DCLK1: variants seen among roughly 807,000 people sequenced by gnomAD.
DCLK1 encodes the protein doublecortin like kinase 1.
Under a neutral mutation model 86.2 loss-of-function variants are expected in DCLK1, and 16 were observed. That is an observed-to-expected ratio of 0.19 (90% confidence interval 0.13 to 0.28). The LOEUF (loss-of-function observed/expected upper bound fraction) is 0.28. DCLK1 is among the 10% of genes least tolerant of loss of function. The pLI, the probability that DCLK1 is intolerant of heterozygous loss-of-function variation, is 1.00. For missense variants in DCLK1, 590 were observed against 940.2 expected (o/e 0.63, Z 4.87); for synonymous variants, 369 against 370.5 (o/e 1.00, Z 0.05).
At chr13:36,068,840 C>T (rs556904673) in intron 3 of DCLK1, among the ~76,000 whole-genome samples, 12 of 152,096 alleles carry the variant, frequency 7.9e-5, no homozygotes, top group Admixed American at 1.3e-4. Context: ...CTCCAAAGTA[C>T]GTAGTCTTTC....
At chr13:36,119,074 C>T (rs1021719285) in intron 2 of DCLK1, among the ~76,000 whole-genome samples, 3 of 152,060 alleles carry the variant, frequency 2.0e-5, no homozygotes, top group African/African-American at 7.2e-5. Context: ...CAGGTGGTAA[C>T]ACTATTTAAT....
At chr13:36,025,531 GA>G (rs1881999582) in intron 3 of DCLK1, among the ~76,000 whole-genome samples, 1 of 152,098 alleles carries the variant, frequency 6.6e-6, no homozygotes, top group Non-Finnish European at 1.5e-5. Context: ...TTATTCAGTG[GA>G]ATGTTACTCA....
At chr13:35,991,269 C>T (rs933973592) in intron 3 of DCLK1, among the ~76,000 whole-genome samples, 2 of 152,152 alleles carry the variant, frequency 1.3e-5, no homozygotes, top group African/African-American at 2.4e-5. Context: ...TCCAATCATA[C>T]GTCTCCATGA....
chr13:35,867,979 C>A (rs1306749720), intron 5 of DCLK1, among the ~76,000 whole-genome samples: 1 of 94,730 alleles, frequency 1.1e-5, no homozygotes, highest in African/African-American at 4.1e-5. Context: ...AAAAGAAAGA[C>A]CCTAAACCCT....
chr13:35,941,990 TTCTA>T lies in DCLK1; in HGVS notation c.823+5364_823+5367del, dbSNP rs954739206. Among the ~76,000 whole-genome samples, 24 of 152,130 alleles carry T rather than the reference TTCTA, an allele frequency of 1.6e-4. No individual in the cohort carries two copies. In the South Asian group the frequency reaches 4.0e-3, roughly 25 times the overall value. On this transcript the variant is annotated intron_variant, in intron 4 of 16. Transcript: ENST00000360631. ...AAGCTTGCAAGGCTGGCTTTTTTCT[TTCTA>T]TCTTTCTTTCACACCCTAGAGCTCT...
upstream of DCLK1, among the ~76,000 whole-genome samples, chr13:36,131,856 C>T (rs1424148342): frequency 6.6e-6 from 1 of 152,218 alleles, no homozygotes; most frequent in East Asian, 1.9e-4. Context: ...CCGGGATGCA[C>T]CCACGCAGTG....
At chr13:35,906,699 G>A (rs1008251553) in intron 4 of DCLK1, among the ~76,000 whole-genome samples, 1 of 152,204 alleles carries the variant, frequency 6.6e-6, no homozygotes, top group Admixed American at 6.5e-5. Context: ...AAACCCTCAA[G>A]TCAACTGGCT....
intron 3 of DCLK1, among the ~76,000 whole-genome samples, chr13:36,006,916 T>C (rs925427553): frequency 2.6e-5 from 4 of 152,220 alleles, no homozygotes; most frequent in African/African-American, 9.6e-5. Context: ...TTGATACCTT[T>C]AAGTATTTGG....
intron 2 of DCLK1, among the ~76,000 whole-genome samples, chr13:36,124,591 G>A (rs540818738): frequency 6.6e-6 from 1 of 152,316 alleles, no homozygotes; most frequent in Admixed American, 6.5e-5. Flanking sequence ...TGTGCGGTCA[G>A]GGGAGAGCAG....
At chr13:35,905,782 C>T (rs1258390468) in intron 4 of DCLK1, among the ~76,000 whole-genome samples, 2 of 151,778 alleles carry the variant, frequency 1.3e-5, no homozygotes, top group African/African-American at 4.8e-5. Flanking sequence ...CCTGCCTCTA[C>T]TAAAAATCCA....
At chr13:35,876,659 G>C (rs901381824) in intron 4 of DCLK1, among the ~76,000 whole-genome samples, 1 of 152,142 alleles carries the variant, frequency 6.6e-6, no homozygotes, top group African/African-American at 2.4e-5. Context: ...GGCCAGTAAT[G>C]TAGAAAACCT....
At chr13:35,916,323 T>C (rs948238269) in intron 4 of DCLK1, among the ~76,000 whole-genome samples, 12 of 152,214 alleles carry the variant, frequency 7.9e-5, no homozygotes, top group African/African-American at 2.2e-4. Context: ...CCCAGAGCCC[T>C]GTACATTATA....
intron 11 of DCLK1, among the ~76,000 whole-genome samples, chr13:35,819,047 T>C (rs1402200328): frequency 6.6e-6 from 1 of 152,040 alleles, no homozygotes; most frequent in Non-Finnish European, 1.5e-5. Flanking sequence ...TTCATAGAAG[T>C]ATCACTCATT....
At chr13:35,912,732 G>A (rs977517713) in intron 4 of DCLK1, among the ~76,000 whole-genome samples, 2 of 152,168 alleles carry the variant, frequency 1.3e-5, no homozygotes, top group African/African-American at 2.4e-5. Flanking sequence ...CTGAGTGCAA[G>A]TACCCAAAAA....
intron 3 of DCLK1, among the ~76,000 whole-genome samples, chr13:36,107,335 ATTTTTTTTTTTTTTT>A (rs10670428): frequency 9.1e-6 from 1 of 110,308 alleles, no homozygotes; most frequent in Non-Finnish European, 1.8e-5. Context: ...GCAGTGGTAG[ATTTTTTTTTTTTTTT>A]TTTTTTTTTT....
chr13:36,129,590 C>A (rs1668503216), intron 1 of DCLK1, among the ~76,000 whole-genome samples: 1 of 152,238 alleles, frequency 6.6e-6, no homozygotes, highest in Non-Finnish European at 1.5e-5. Flanking sequence ...TTGGCTTAGT[C>A]ATACATTTGA....
intron 3 of DCLK1, among the ~76,000 whole-genome samples, chr13:36,025,511 C>T (rs946335796): frequency 6.6e-6 from 1 of 152,052 alleles, no homozygotes; most frequent in Non-Finnish European, 1.5e-5. Context: ...ATAAACAAAA[C>T]GTGGTATATT....
chr13:35,854,452 C>A (rs1274368273), intron 6 of DCLK1, 47 bp downstream of exon 6: 2 of 1,495,600 alleles, frequency 1.3e-6, no homozygotes, highest in Non-Finnish European at 9.0e-7. Context: ...CCTGTCTGCA[C>A]CAAGGCTGAG....
chr13:35,929,499 G>A (rs1157675419), intron 4 of DCLK1, among the ~76,000 whole-genome samples: 1 of 152,168 alleles, frequency 6.6e-6, no homozygotes, highest in Non-Finnish European at 1.5e-5. Context: ...GTGGACAAAA[G>A]GCAATCACTG....
Sources: gnomAD v4.1 joint callset for allele counts (sites outside exome capture counted in the v4.1 genomes callset) on GRCh38, gnomAD v4.1.1 for gene constraint, MANE v1.5 for transcripts, NCBI Gene and HGNC (gene_info 2026-07-23, HGNC 2026-07-21) for gene names.